CNTN5: variants seen among roughly 807,000 people sequenced by gnomAD.
CNTN5 encodes the protein contactin 5, also known as contactin-5.
CNTN5 carries 77 observed loss-of-function variants against 129.1 expected under a neutral mutation model. That is an observed-to-expected ratio of 0.60 (90% confidence interval 0.50 to 0.72). The LOEUF is 0.72. CNTN5 is among the 30% of genes least tolerant of loss of function. CNTN5 has a pLI of 0.00. For missense variants in CNTN5, 1,478 were observed against 1,328.8 expected (o/e 1.11, Z -1.75); for synonymous variants, 509 against 465.6 (o/e 1.09, Z -1.20).
chr11:99,481,674 C>T (rs986096592), intron 2 of CNTN5, among the ~76,000 whole-genome samples: 42 of 152,132 alleles, frequency 2.8e-4, no homozygotes, highest in Non-Finnish European at 1.5e-4. Flanking sequence ...CAAGCTCCCC[C>T]GTGATTTCCT....
chr11:99,144,123 T>C, intron 1 of CNTN5, among the ~76,000 whole-genome samples: 1 of 152,336 alleles, frequency 6.6e-6, no homozygotes, highest in East Asian at 1.9e-4. Context: ...TTTTGCAGAA[T>C]TATGATTGGC....
chr11:99,422,880 C>T (rs932170014), intron 2 of CNTN5, among the ~76,000 whole-genome samples: 3 of 152,070 alleles, frequency 2.0e-5, no homozygotes, highest in African/African-American at 7.2e-5. Context: ...ATCTTCTAAA[C>T]TTCCAATTTA....
intron 16 of CNTN5, among the ~76,000 whole-genome samples, chr11:100,247,546 A>C (rs1949868495): frequency 1.3e-5 from 2 of 152,002 alleles, no homozygotes; most frequent in Non-Finnish European, 2.9e-5. Flanking sequence ...ATCTGAGGAG[A>C]AGGTAAAGAA....
At chr11:99,795,564 C>T (rs916774046) in intron 3 of CNTN5, among the ~76,000 whole-genome samples, 25 of 149,846 alleles carry the variant, frequency 1.7e-4, no homozygotes, top group Non-Finnish European at 3.0e-5. Context: ...TTCTTTCAAT[C>T]GCTGAAGCTG....
chr11:99,748,190 G>T (rs983575027), intron 3 of CNTN5, among the ~76,000 whole-genome samples: 1 of 151,922 alleles, frequency 6.6e-6, no homozygotes, highest in Admixed American at 6.6e-5. Flanking sequence ...TTCTTATCTG[G>T]CTTTGGTATG....
chr11:99,218,662 C>G (rs1860249998), intron 1 of CNTN5, among the ~76,000 whole-genome samples: 1 of 152,116 alleles, frequency 6.6e-6, no homozygotes, highest in Admixed American at 6.6e-5. Context: ...AGATAGCTAG[C>G]TGTTCACAAA....
At chr11:99,648,378 C>T (rs2135870457) in intron 3 of CNTN5, among the ~76,000 whole-genome samples, 1 of 151,560 alleles carries the variant, frequency 6.6e-6, no homozygotes, top group East Asian at 1.9e-4. Context: ...TGTCATCTCA[C>T]CCAAGTTACA....
chr11:99,103,033 G>T (rs77537574), intron 1 of CNTN5, among the ~76,000 whole-genome samples: 2,213 of 152,230 alleles, frequency 0.015, 57 homozygotes, highest in African/African-American at 0.05. Flanking sequence ...TCACATGCCA[G>T]CAGGCAAGAG....
intron 21 of CNTN5, among the ~76,000 whole-genome samples, chr11:100,334,519 G>A (rs1184128079): frequency 6.6e-6 from 1 of 152,024 alleles, no homozygotes; most frequent in South Asian, 2.1e-4. Flanking sequence ...CAAAAATATG[G>A]AACGAGCCCA....
chr11:99,076,109 G>A (rs1032307425), intron 1 of CNTN5, among the ~76,000 whole-genome samples: 7 of 152,014 alleles, frequency 4.6e-5, no homozygotes, highest in Admixed American at 1.3e-4. Context: ...CGAGGTGGGC[G>A]GATTACCTGA....
intron 15 of CNTN5, among the ~76,000 whole-genome samples, chr11:100,206,182 T>C (rs1379753945): frequency 6.6e-6 from 1 of 152,086 alleles, no homozygotes; most frequent in Non-Finnish European, 1.5e-5. Context: ...AAATGTTACC[T>C]GTGCCTACTC....
chr11:100,289,546 A>G (rs1950900016), intron 18 of CNTN5, among the ~76,000 whole-genome samples: 1 of 152,204 alleles, frequency 6.6e-6, no homozygotes, highest in African/African-American at 2.4e-5. Context: ...AAAGCCTTTG[A>G]CAAAATTCAA....
At chr11:99,851,317 AGT>A (rs1947867310) in intron 6 of CNTN5, among the ~76,000 whole-genome samples, 1 of 152,166 alleles carries the variant, frequency 6.6e-6, no homozygotes, top group Non-Finnish European at 1.5e-5. Flanking sequence ...GCAAAGCTGG[AGT>A]GATTTCCTAG....
At chr11:100,347,160 G>A (rs141708881) in intron 23 of CNTN5, among the ~76,000 whole-genome samples, 90 of 152,212 alleles carry the variant, frequency 5.9e-4, no homozygotes, top group African/African-American at 2.1e-3. Flanking sequence ...ATTTGTTTAT[G>A]CAACTTAGAT....
intron 10 of CNTN5, among the ~76,000 whole-genome samples, chr11:100,063,079 G>C (rs1396082737): frequency 2.0e-5 from 3 of 152,132 alleles, no homozygotes; most frequent in Non-Finnish European, 4.4e-5. Flanking sequence ...TCAGAGGAAA[G>C]TACGAATTCT....
At chr11:99,626,087 G>A (rs974652140) in intron 3 of CNTN5, among the ~76,000 whole-genome samples, 10 of 152,038 alleles carry the variant, frequency 6.6e-5, no homozygotes, top group African/African-American at 2.4e-4. Context: ...ACAGAGATGT[G>A]TTAAGGGGTG....
Position 100,105,980 on chromosome 11 carries a change from T to C in CNTN5, c.1580+31686T>C, listed in dbSNP as rs7937050. ...CTTAATTATACTAACAAAGTATACT[T>C]TTTAATGGAACACTAGCTACCTTTA... On this transcript the variant is annotated intron_variant, in intron 13 of 24. Transcript: ENST00000524871. Among the ~76,000 whole-genome samples the C allele has an allele frequency of 2.0e-5, 3 of 152,270 alleles. 1 individual carries two copies. In the South Asian group the frequency reaches 6.2e-4, roughly 32 times the overall value.
chr11:99,254,157 T>G lies in CNTN5; in HGVS notation c.-209-71189T>G, dbSNP rs573406263. Among the ~76,000 whole-genome samples, 23 of 151,836 alleles carry G rather than the reference T, an allele frequency of 1.5e-4. 1 individual carries two copies. In the South Asian group the frequency reaches 4.8e-3, roughly 31 times the overall value. On this transcript the variant is annotated intron_variant, in intron 1 of 24. Transcript: ENST00000524871. ...TATATTAGATCATACAAAGAAAGAA[T>G]TATGGTGGACTGGGGTGGTTGAACG...
In CNTN5 at chr11:99,870,566, C is replaced by A. The variant is rs565273421; in HGVS notation, c.577+25304C>A. Among the ~76,000 whole-genome samples the A allele has an allele frequency of 2.8e-4, 43 of 152,184 alleles. No individual in the cohort carries two copies. In the South Asian group the frequency reaches 8.9e-3, roughly 32 times the overall value. On this transcript the variant is annotated intron_variant, in intron 6 of 24. Transcript: ENST00000524871. Reference sequence around the variant, plus strand: ...TTACTGTGTAAGCCAACCAAACTAACAATTTCAATTATAAGTTTAGTCAGA... The same window carrying A: ...TTACTGTGTAAGCCAACCAAACTAAAAATTTCAATTATAAGTTTAGTCAGA...
Sources: gnomAD v4.1 joint callset for allele counts (sites outside exome capture counted in the v4.1 genomes callset) on GRCh38, gnomAD v4.1.1 for gene constraint, MANE v1.5 for transcripts, NCBI Gene and HGNC (gene_info 2026-07-23, HGNC 2026-07-21) for gene names.